The following CEP162 variants were observed in gnomAD, a reference collection of about 807,000 sequenced individuals.
The protein encoded by CEP162 is centrosomal protein of 162 kDa.
A neutral mutation model predicts 169.2 loss-of-function variants in CEP162; 141 were observed. The observed-to-expected ratio is 0.83, with a 90% CI of 0.73 to 0.96. The LOEUF (loss-of-function observed/expected upper bound fraction) is 0.96. Among genes scored for constraint, CEP162 ranks in the 40% least tolerant of loss-of-function variants. The probability of loss-of-function intolerance (pLI) is 0.00; values close to 1 mark genes in which losing one functional copy is unlikely to be tolerated. For missense variants in CEP162, 1,600 were observed against 1,587.2 expected (o/e 1.01, Z -0.14); for synonymous variants, 540 against 526.4 (o/e 1.03, Z -0.35).
In CEP162 at chr6:84,152,682, G is replaced by T. The variant is rs773029329; in HGVS notation, c.3492C>A (p.Phe1164Leu). The T allele has an allele frequency of 2.5e-6, 4 of 1,612,462 alleles. No individual in the cohort carries two copies. Among genetic ancestry groups the T allele is most frequent in the Non-Finnish European group, 8.5e-7 (1 of 1,179,266 alleles). ...LDSKLYQPHT[F>L]TDSHVSEVLQ... is the part of the protein sequence containing the mutation. Reference sequence around the variant, plus strand: ...AAACTTCTGAAACATGGGAATCAGTGAAAGTATGTGGTTGGTACAGCTTGC... The same window carrying T: ...AAACTTCTGAAACATGGGAATCAGTTAAAGTATGTGGTTGGTACAGCTTGC... Residue 1164 changes from phenylalanine to leucine, a missense_variant, in exon 23 of 27, where the codon TTC becomes TTA. Physicochemically the swap from Phe to Leu is conservative, Grantham distance 22 (BLOSUM62 0). Coordinates refer to ENST00000403245, the MANE Select transcript of CEP162 (RefSeq NM_014895.4).
rs1297888022 is a variant in CEP162 at position 84,152,616 on chromosome 6, T to TA, written c.3557dup (p.Leu1186PhefsTer7). 2 of 1,568,916 alleles carry TA rather than the reference T, an allele frequency of 1.3e-6. No homozygotes were observed. The highest frequency in any genetic ancestry group is 1.7e-6 in the Non-Finnish European group (2 of 1,155,950). On this transcript the variant is annotated frameshift_variant, in exon 23 of 27. Transcript: ENST00000403245. LOFTEE classifies it high-confidence loss of function. ...TCTTCAGTTCATTCTTCTCTGAAAT[T>TA]AATCCTTCTAGCTCATTTTTTAATC...
intron 17 of CEP162, 63 bp downstream of exon 17, chr6:84,171,543 T>C (rs1195969161): frequency 1.7e-6 from 1 of 584,484 alleles, no homozygotes; most frequent in East Asian, 3.4e-5. Flanking sequence ...ATTATTAACA[T>C]AATAAGAAAA....
chr6:84,196,794 T>A (rs2099542352), intron 9 of CEP162, among the ~76,000 whole-genome samples: 1 of 152,172 alleles, frequency 6.6e-6, no homozygotes. Flanking sequence ...TAAGATTGTA[T>A]AAGAATGCCT....
chr6:84,215,377 G>A lies in CEP162; in HGVS notation c.408C>T (p.Ala136=). 1.2e-6 allele frequency: 2 copies of A among 1,607,640 alleles called. No homozygotes were observed. The highest frequency in any genetic ancestry group is 1.7e-5 in the Admixed American group (1 of 59,422). Residue 136 remains alanine (A), a synonymous_variant, in exon 5 of 27, where the codon GCC becomes GCT. Transcript: ENST00000403245. ...EEQEEKEQFF[A]RLEKGLTSSI... ...AAGATGTCAAGCCTTTCTCAAGCCT[G>A]GCAAAAAATTGTTCTTTCTCCTCTT...
intron 5 of CEP162, among the ~76,000 whole-genome samples, chr6:84,213,416 A>C (rs2099550297): frequency 6.6e-6 from 1 of 152,248 alleles, no homozygotes; most frequent in South Asian, 2.1e-4. Flanking sequence ...AAAAATGCTA[A>C]GGTCAGCACT....
At chr6:84,189,379 G>C (rs534996481) in intron 11 of CEP162, among the ~76,000 whole-genome samples, 1 of 152,172 alleles carries the variant, frequency 6.6e-6, no homozygotes, top group African/African-American at 2.4e-5. Context: ...GGAGAGGCAC[G>C]AGCGGGAACC....
chr6:84,153,215 T>C (rs2099521817), intron 22 of CEP162, 36 bp from the exon 23 acceptor site: 4 of 1,554,818 alleles, frequency 2.6e-6, no homozygotes, highest in Non-Finnish European at 3.5e-6. Flanking sequence ...CAAACACCTG[T>C]TAAACGTTTC....
At chr6:84,190,416 C>G (rs1251980034) in intron 11 of CEP162, among the ~76,000 whole-genome samples, 2 of 151,860 alleles carry the variant, frequency 1.3e-5, no homozygotes, top group African/African-American at 4.8e-5. Flanking sequence ...GCTCGGGTCC[C>G]CTTCCACACT....
chr6:84,220,076 T>C (rs1027231136), intron 3 of CEP162, among the ~76,000 whole-genome samples: 3 of 152,062 alleles, frequency 2.0e-5, no homozygotes, highest in Admixed American at 2.0e-4. Flanking sequence ...GAGGAATGAT[T>C]ACCTATGGCT....
chr6:84,155,328 A>G lies in CEP162; in HGVS notation c.2964T>C (p.Arg988=). The change falls in exon 22 of 27, where the codon CGT becomes CGC. Residue 988 remains arginine, a synonymous_variant. Transcript: ENST00000403245. ...TTTTCTGAAACTGTTGTTCCATGGT[A>G]CGAAGGCTTTTCTTTGCATCTTCAT... ...GKDEDAKKSL[R]TMEQQFQKMK... 6.2e-7 allele frequency: 1 copy of G among 1,613,566 alleles called. No individual in the cohort carries two copies. The highest frequency in any genetic ancestry group is 8.5e-7 in the Non-Finnish European group (1 of 1,179,646).
intron 18 of CEP162, among the ~76,000 whole-genome samples, chr6:84,164,325 T>G (rs978296359): frequency 1.3e-5 from 2 of 152,140 alleles, no homozygotes; most frequent in African/African-American, 4.8e-5. Flanking sequence ...GAAATACCAT[T>G]TGACTCAGCA....
chr6:84,191,673 C>T (rs16874311), intron 11 of CEP162, among the ~76,000 whole-genome samples: 14,184 of 152,182 alleles, frequency 0.093, 1,732 homozygotes, highest in African/African-American at 0.29. Context: ...ACCTGGAAAT[C>T]CTGGCCTTTC....
chr6:84,139,743 T>A (rs1000409763), intron 25 of CEP162, among the ~76,000 whole-genome samples: 53 of 152,320 alleles, frequency 3.5e-4, no homozygotes, highest in Non-Finnish European at 5.3e-4. Context: ...GAGAAAAAAA[T>A]TTGTAAAATT....
chr6:84,137,421 G>T (rs866133424), intron 25 of CEP162, among the ~76,000 whole-genome samples: 1 of 151,978 alleles, frequency 6.6e-6, no homozygotes. Flanking sequence ...GAATATTTGC[G>T]ACAAATTACA....
intron 3 of CEP162, chr6:84,219,271 G>T: frequency 1.4e-6 from 1 of 690,276 alleles, no homozygotes; most frequent in Non-Finnish European, 2.3e-6. Context: ...CAGGGACCAG[G>T]TTATTCCCGT....
intron 20 of CEP162, among the ~76,000 whole-genome samples, chr6:84,161,436 C>A (rs1260852572): frequency 6.6e-6 from 1 of 152,098 alleles, no homozygotes; most frequent in Admixed American, 6.6e-5. Flanking sequence ...ATGAGTCCAG[C>A]ATGTTCAAGA....
intron 13 of CEP162, among the ~76,000 whole-genome samples, chr6:84,183,592 C>A (rs1395624136): frequency 6.6e-6 from 1 of 152,134 alleles, no homozygotes; most frequent in East Asian, 1.9e-4. Context: ...ATGGATCGTA[C>A]CTGTTGCACA....
At chr6:84,200,964 T>C (rs2099544202) in intron 8 of CEP162, 59 bp from the exon 9 acceptor site, 1 of 1,053,118 alleles carries the variant, frequency 9.5e-7, no homozygotes, top group Admixed American at 1.8e-5. Flanking sequence ...GTTCTGTTGA[T>C]CTAATACAAT....
chr6:84,186,784 C>CAG (rs10639719), intron 11 of CEP162, among the ~76,000 whole-genome samples, 161 bp from the exon 12 acceptor site: 36,126 of 151,998 alleles, frequency 0.24, 9,739 homozygotes, highest in African/African-American at 0.67. Flanking sequence ...TTTTGATTAA[C>CAG]AGTACACTCA....
Sources: gnomAD v4.1 joint callset for allele counts (sites outside exome capture counted in the v4.1 genomes callset) on GRCh38, gnomAD v4.1.1 for gene constraint, MANE v1.5 for transcripts, NCBI Gene and HGNC (gene_info 2026-07-23, HGNC 2026-07-21) for gene names.